Variants in SEMA6D observed in about 807,000 individuals in gnomAD.
The protein encoded by SEMA6D is semaphorin-6D.
In SEMA6D, 35 loss-of-function variants were observed where a neutral mutation model predicts 106.6. The observed-to-expected ratio is 0.33, with a 90% CI of 0.25 to 0.44. The LOEUF (loss-of-function observed/expected upper bound fraction) is 0.44, where lower values mean the gene tolerates loss of function less well. Ranked by LOEUF, SEMA6D falls within the 20% of genes least tolerant of loss-of-function variation. The pLI is 1.00. For synonymous variants in SEMA6D, 499 were observed against 487.7 expected (o/e 1.02, Z -0.31); for missense variants, 1,185 against 1,345.9 (o/e 0.88, Z 1.87).
chr15:47,694,706 G>T (rs1040949488), intron 4 of SEMA6D, among the ~76,000 whole-genome samples: 4 of 152,074 alleles, frequency 2.6e-5, no homozygotes, highest in Admixed American at 1.3e-4. Context: ...GCTGTGAAAA[G>T]ATCAAGGCAT....
chr15:47,314,535 T>C (rs2036568694), intron 1 of SEMA6D, among the ~76,000 whole-genome samples: 1 of 130,538 alleles, frequency 7.7e-6, no homozygotes, highest in East Asian at 2.3e-4. Context: ...GAGGCGGAGC[T>C]TGCAGTGAGC....
intron 2 of SEMA6D, among the ~76,000 whole-genome samples, chr15:47,430,361 C>T (rs1191279794): frequency 6.6e-6 from 1 of 152,012 alleles, no homozygotes; most frequent in East Asian, 1.9e-4. Flanking sequence ...CTGTCCCTTT[C>T]TTGATGTGGG....
intron 1 of SEMA6D, among the ~76,000 whole-genome samples, chr15:47,355,522 G>C (rs1370933601): frequency 1.3e-5 from 2 of 152,278 alleles, no homozygotes; most frequent in African/African-American, 4.8e-5. Context: ...AAGAGAAAGA[G>C]AGAGACTTTC....
chr15:47,377,689 G>T (rs16959353), intron 1 of SEMA6D, among the ~76,000 whole-genome samples: 4,314 of 152,320 alleles, frequency 0.028, 91 homozygotes, highest in South Asian at 0.092. Flanking sequence ...AAGCAGGAAA[G>T]TGTCTGGGCA....
At chr15:47,239,695 T>C (rs568558087) in intron 1 of SEMA6D, among the ~76,000 whole-genome samples, 4 of 152,282 alleles carry the variant, frequency 2.6e-5, no homozygotes, top group African/African-American at 9.6e-5. Flanking sequence ...CATTGCATTG[T>C]GTGATTGTAG....
intron 1 of SEMA6D, among the ~76,000 whole-genome samples, chr15:47,200,060 A>G (rs184846953): frequency 6.6e-6 from 1 of 152,294 alleles, no homozygotes; most frequent in African/African-American, 2.4e-5. Context: ...ATGTATATCT[A>G]TGTGTCTTTG....
Position 47,472,995 on chromosome 15 carries a change from C to T in SEMA6D, c.-87+2450C>T, listed in dbSNP as rs1383384316. On this transcript the variant is annotated intron_variant, in intron 3 of 19. Transcript: ENST00000558014. Reference sequence around the variant, plus strand: ...TAGTACCTGCCATTTGAAACTGTAACTGTGATAAGTTAGACAGCACTCTGC... The same window carrying T: ...TAGTACCTGCCATTTGAAACTGTAATTGTGATAAGTTAGACAGCACTCTGC... Among the ~76,000 whole-genome samples the T allele has an allele frequency of 3.9e-5, 6 of 152,178 alleles. No individual in the cohort carries two copies. The South Asian group carries it at 6.2e-4, about 16-fold the overall frequency.
intron 1 of SEMA6D, among the ~76,000 whole-genome samples, chr15:47,410,316 C>T (rs949833937): frequency 6.6e-6 from 1 of 152,132 alleles, no homozygotes; most frequent in Non-Finnish European, 1.5e-5. Context: ...AAGTGTGCCT[C>T]TGGCTTCTTT....
chr15:47,317,970 T>C (rs2036747707), intron 1 of SEMA6D, among the ~76,000 whole-genome samples: 1 of 151,042 alleles, frequency 6.6e-6, no homozygotes, highest in South Asian at 2.1e-4. Flanking sequence ...TTTCTTCCCC[T>C]TTGGCATTCC....
chr15:47,360,788 A>C (rs1484836866), intron 1 of SEMA6D, among the ~76,000 whole-genome samples: 1 of 152,280 alleles, frequency 6.6e-6, no homozygotes, highest in Non-Finnish European at 1.5e-5. Context: ...CAGAAAAATA[A>C]AATGAATATG....
intron 1 of SEMA6D, chr15:47,730,398 A>G: frequency 1.4e-6 from 2 of 1,437,972 alleles, no homozygotes; most frequent in South Asian, 1.2e-5. Flanking sequence ...TTGATAATGC[A>G]GTAAGGGACC....
chr15:47,694,090 T>C (rs1401008964), intron 4 of SEMA6D, among the ~76,000 whole-genome samples: 1 of 152,162 alleles, frequency 6.6e-6, no homozygotes, highest in Non-Finnish European at 1.5e-5. Flanking sequence ...CTAGTTGCAT[T>C]AGAGTCAACT....
intron 2 of SEMA6D, among the ~76,000 whole-genome samples, chr15:47,429,128 G>A (rs1030575975): frequency 6.6e-6 from 1 of 151,990 alleles, no homozygotes; most frequent in Admixed American, 6.6e-5. Context: ...GAAGAGAGGT[G>A]TGTGAGTTGC....
chr15:47,276,245 A>G (rs2034808001), intron 1 of SEMA6D, among the ~76,000 whole-genome samples: 1 of 152,216 alleles, frequency 6.6e-6, no homozygotes, highest in African/African-American at 2.4e-5. Context: ...CAGGTTATCC[A>G]GAAGATCTGG....
chr15:47,290,022 TC>T (rs1166161702), intron 1 of SEMA6D, among the ~76,000 whole-genome samples: 1 of 152,072 alleles, frequency 6.6e-6, no homozygotes, highest in Non-Finnish European at 1.5e-5. Flanking sequence ...AAGAAAAACT[TC>T]CAGGTGATCT....
intron 1 of SEMA6D, chr15:47,184,492 A>G (rs1893401363): frequency 6.6e-6 from 1 of 152,194 alleles, no homozygotes; most frequent in African/African-American, 2.4e-5. Context: ...GGAGCTGCTG[A>G]CGGAGGTTCT....
intron 4 of SEMA6D, among the ~76,000 whole-genome samples, chr15:47,634,388 G>A (rs573685401): frequency 6.6e-6 from 1 of 152,136 alleles, no homozygotes; most frequent in Non-Finnish European, 1.5e-5. Context: ...TGCCACCTGG[G>A]AGAAGGAGGA....
intron 3 of SEMA6D, among the ~76,000 whole-genome samples, chr15:47,486,472 T>C (rs1389389773): frequency 2.6e-5 from 4 of 152,222 alleles, no homozygotes; most frequent in Non-Finnish European, 1.5e-5. Flanking sequence ...CTTTGAGCTC[T>C]TTCTAGTAGA....
At chr15:47,745,345 G>T (rs1225601655) in intron 1 of SEMA6D, among the ~76,000 whole-genome samples, 1 of 152,196 alleles carries the variant, frequency 6.6e-6, no homozygotes, top group Non-Finnish European at 1.5e-5. Context: ...CAGGGTAATG[G>T]AGGGACCAAG....
Sources: gnomAD v4.1 joint callset for allele counts (sites outside exome capture counted in the v4.1 genomes callset) on GRCh38, gnomAD v4.1.1 for gene constraint, MANE v1.5 for transcripts, NCBI Gene and HGNC (gene_info 2026-07-23, HGNC 2026-07-21) for gene names.